ADGRB3: variants seen among roughly 807,000 people sequenced by gnomAD.
ADGRB3 encodes adhesion G protein-coupled receptor B3.
Under a neutral mutation model 193.4 loss-of-function variants are expected in ADGRB3, and 37 were observed. That is an observed-to-expected ratio of 0.19 (90% CI 0.15 to 0.25). The LOEUF (loss-of-function observed/expected upper bound fraction) is 0.25. Ranked by LOEUF, ADGRB3 falls within the 10% of genes least tolerant of loss-of-function variation. ADGRB3 has a pLI of 1.00. For missense variants in ADGRB3, 1,637 were observed against 1,852.9 expected (o/e 0.88, Z 2.14); for synonymous variants, 690 against 644.2 (o/e 1.07, Z -1.08).
Position 68,807,235 on chromosome 6 carries a change from C to CTTTTTTTTTTTTTTTTTTTT in ADGRB3, c.758-123323_758-123304dup, listed in dbSNP as rs771342538. Among the ~76,000 whole-genome samples the CTTTTTTTTTTTTTTTTTTTT allele has an allele frequency of 7.2e-4, 72 of 100,190 alleles. 1 individual carries two copies. Among genetic ancestry groups the CTTTTTTTTTTTTTTTTTTTT allele is most frequent in the Non-Finnish European group, 1.0e-3 (53 of 51,874 alleles). The allele number at this position is 100,190 out of a possible 152,430, so 65.7% of individuals were successfully genotyped here. A position where few individuals can be genotyped will look rare whatever the true frequency, so the allele number is the denominator to read the frequency against. ...TTTTTCTTTTTCTTTTTTCTTTTTTCTTTTTTTTTTTTTTTTTTTTGAGAC... is the reference window on the plus strand; with the variant it reads ...TTTTTCTTTTTCTTTTTTCTTTTTTCTTTTTTTTTTTTTTTTTTTTTTTTTTTTTTTTTTTTTTTTGAGAC... On this transcript the variant is annotated intron_variant, in intron 3 of 31. Transcript: ENST00000370598.
chr6:68,682,165 T>C (rs561931625), intron 3 of ADGRB3, among the ~76,000 whole-genome samples: 1 of 152,338 alleles, frequency 6.6e-6, no homozygotes, highest in East Asian at 1.9e-4. Context: ...GTGGGTCAGA[T>C]ATACCCTCAC....
At chr6:68,946,682 T>G (rs1323929798) in intron 6 of ADGRB3, among the ~76,000 whole-genome samples, 1 of 152,086 alleles carries the variant, frequency 6.6e-6, no homozygotes, top group African/African-American at 2.4e-5. Context: ...AACCACAAAC[T>G]GTGTCTCCCA....
intron 7 of ADGRB3, 125 bp downstream of exon 7, chr6:68,956,313 G>A (rs1295353046): frequency 1.8e-5 from 18 of 985,356 alleles, no homozygotes; most frequent in Non-Finnish European, 2.4e-5. Context: ...GTGTGTGTGT[G>A]TGTGTGTGTG....
intron 30 of ADGRB3, among the ~76,000 whole-genome samples, chr6:69,377,217 A>G (rs773378162): frequency 2.6e-5 from 4 of 152,044 alleles, no homozygotes; most frequent in Admixed American, 1.3e-4. Context: ...CAGGGCTCAG[A>G]AAATGGTAGC....
At chr6:68,959,849 G>C (rs1199716959) in intron 8 of ADGRB3, among the ~76,000 whole-genome samples, 1 of 152,174 alleles carries the variant, frequency 6.6e-6, no homozygotes, top group African/African-American at 2.4e-5. Flanking sequence ...AAATTGGTCA[G>C]ACTCACCAGA....
chr6:69,208,239 C>G (rs1177059998), intron 17 of ADGRB3, among the ~76,000 whole-genome samples: 1 of 152,134 alleles, frequency 6.6e-6, no homozygotes, highest in East Asian at 1.9e-4. Context: ...ACTTGATTAT[C>G]AAAATCCTCC....
intron 20 of ADGRB3, among the ~76,000 whole-genome samples, chr6:69,303,492 T>A (rs2127297470): frequency 6.6e-6 from 1 of 151,750 alleles, no homozygotes; most frequent in East Asian, 1.9e-4. Flanking sequence ...ATGAGACACT[T>A]CCACTTCAAA....
chr6:69,124,853 C>T (rs1366338928), intron 17 of ADGRB3, among the ~76,000 whole-genome samples: 1 of 150,490 alleles, frequency 6.6e-6, no homozygotes, highest in African/African-American at 2.4e-5. Flanking sequence ...GTCTGCCATT[C>T]TATTTCTATT....
At chr6:69,299,212 T>C (rs1387389761) in intron 20 of ADGRB3, among the ~76,000 whole-genome samples, 1 of 151,884 alleles carries the variant, frequency 6.6e-6, no homozygotes, top group African/African-American at 2.4e-5. Context: ...CATCTTTTTT[T>C]TCACTTTAAT....
intron 24 of ADGRB3, among the ~76,000 whole-genome samples, chr6:69,334,051 A>G (rs564375686): frequency 4.4e-4 from 67 of 151,660 alleles, no homozygotes; most frequent in Middle Eastern, 3.4e-3. Flanking sequence ...GTAACGTCTC[A>G]TATATAGATT....
intron 3 of ADGRB3, among the ~76,000 whole-genome samples, chr6:68,721,224 C>G (rs960627249): frequency 6.6e-6 from 1 of 151,770 alleles, no homozygotes; most frequent in African/African-American, 2.4e-5. Context: ...TTGGAACCAA[C>G]CCAAATGTCC....
chr6:68,988,710 G>A (rs945720021), intron 10 of ADGRB3, among the ~76,000 whole-genome samples: 4 of 152,188 alleles, frequency 2.6e-5, no homozygotes, highest in African/African-American at 9.6e-5. Flanking sequence ...GGAAGCTGAG[G>A]TCCTAAAGCC....
At chr6:68,795,066 C>A (rs966003378) in intron 3 of ADGRB3, among the ~76,000 whole-genome samples, 36 of 151,864 alleles carry the variant, frequency 2.4e-4, no homozygotes, top group African/African-American at 8.4e-4. Flanking sequence ...CACAGGAGAG[C>A]CCAAGTAATG....
At chr6:69,274,839 A>G (rs926452995) in intron 20 of ADGRB3, among the ~76,000 whole-genome samples, 2 of 152,166 alleles carry the variant, frequency 1.3e-5, no homozygotes, top group African/African-American at 4.8e-5. Flanking sequence ...GGGTCTGTGC[A>G]GAACGGCAAT....
chr6:69,388,923 A>C lies in ADGRB3; in HGVS notation c.*32A>C. The C allele has an allele frequency of 6.3e-7, 1 of 1,580,110 alleles. No homozygotes were observed. The highest frequency in any genetic ancestry group is 1.2e-5 in the South Asian group (1 of 85,772). On this transcript the variant is annotated 3_prime_UTR_variant, in exon 32 of 32. Coordinates refer to ENST00000370598, the MANE Select transcript of ADGRB3 (RefSeq NM_001704.3). ...CAAAATGGACTAAGGTAGAGACAAA[A>C]CTTTATTGCACTGACACTTAAGACT...
chr6:69,128,207 C>T (rs1252626185), intron 17 of ADGRB3, among the ~76,000 whole-genome samples: 2 of 152,114 alleles, frequency 1.3e-5, no homozygotes, highest in Non-Finnish European at 1.5e-5. Context: ...TGTTCACTGT[C>T]ACCTGTCTAC....
At chr6:69,243,815 T>C (rs1389963120) in intron 20 of ADGRB3, among the ~76,000 whole-genome samples, 2 of 152,000 alleles carry the variant, frequency 1.3e-5, no homozygotes, top group African/African-American at 4.8e-5. Context: ...CTGGGCATTC[T>C]TGGACTCCTC....
At chr6:68,709,378 G>A (rs1765374082) in intron 3 of ADGRB3, among the ~76,000 whole-genome samples, 1 of 151,996 alleles carries the variant, frequency 6.6e-6, no homozygotes. Flanking sequence ...ATATAACTTT[G>A]CAAAAATTAT....
At chr6:69,037,021 G>A (rs1770891092) in intron 13 of ADGRB3, among the ~76,000 whole-genome samples, 2 of 152,288 alleles carry the variant, frequency 1.3e-5, no homozygotes, top group Middle Eastern at 3.4e-3. Context: ...GAGAGATTCT[G>A]GTGGCTTTTG....
Sources: gnomAD v4.1 joint callset for allele counts (sites outside exome capture counted in the v4.1 genomes callset) on GRCh38, gnomAD v4.1.1 for gene constraint, MANE v1.5 for transcripts, NCBI Gene and HGNC (gene_info 2026-07-23, HGNC 2026-07-21) for gene names.